Variants in CACNG7 observed in about 807,000 individuals in gnomAD.
CACNG7 encodes calcium voltage-gated channel auxiliary subunit gamma 7.
A neutral mutation model predicts 26.3 loss-of-function variants in CACNG7; 9 were observed. The ratio of observed to expected loss-of-function variants is 0.34; its 90% confidence interval spans 0.21 to 0.60. The LOEUF is 0.60. Ranked by LOEUF, CACNG7 falls within the 20% of genes least tolerant of loss-of-function variation. The pLI, the probability that CACNG7 is intolerant of heterozygous loss-of-function variation, is 0.81. For missense variants in CACNG7, 297 were observed against 380.4 expected (o/e 0.78, Z 1.82); for synonymous variants, 170 against 157.0 (o/e 1.08, Z -0.62).
At chr19:53,921,392 G>A (rs1346335973) in intron 4 of CACNG7, among the ~76,000 whole-genome samples, 1 of 139,200 alleles carries the variant, frequency 7.2e-6, no homozygotes, top group Non-Finnish European at 1.5e-5. Flanking sequence ...TGGTGGAGTT[G>A]CCCCAGGTCT....
intron 4 of CACNG7, among the ~76,000 whole-genome samples, chr19:53,929,893 G>A (rs762791512): frequency 6.6e-6 from 1 of 152,246 alleles, no homozygotes; most frequent in Non-Finnish European, 1.5e-5. Context: ...TGTTCCAGCT[G>A]CATAGCAAGT....
intron 1 of CACNG7, among the ~76,000 whole-genome samples, chr19:53,911,165 A>C (rs1037076563): frequency 6.6e-6 from 1 of 151,740 alleles, no homozygotes; most frequent in Non-Finnish European, 1.5e-5. Flanking sequence ...TCTCAGGTTC[A>C]AGCTATTCTC....
intron 4 of CACNG7, among the ~76,000 whole-genome samples, chr19:53,926,030 C>T (rs1467179796): frequency 1.3e-5 from 2 of 152,184 alleles, no homozygotes; most frequent in African/African-American, 4.8e-5. Flanking sequence ...TATGCTTATT[C>T]ATTCAATCTT....
chr19:53,929,771 A>G (rs1456852690), intron 4 of CACNG7, among the ~76,000 whole-genome samples: 53 of 152,114 alleles, frequency 3.5e-4, no homozygotes, highest in Admixed American at 3.4e-3. Flanking sequence ...GCGTCTCAAC[A>G]TTATGGAATA....
At chr19:53,927,838 CAAA>C (rs74177830) in intron 4 of CACNG7, among the ~76,000 whole-genome samples, 5 of 110,536 alleles carry the variant, frequency 4.5e-5, no homozygotes, top group Admixed American at 2.1e-4. Context: ...AACTCCATCT[CAAA>C]AAAAAAAAAA....
At chr19:53,919,711 A>G (rs1297371823) in intron 4 of CACNG7, among the ~76,000 whole-genome samples, 2 of 117,982 alleles carry the variant, frequency 1.7e-5, no homozygotes, top group Non-Finnish European at 1.7e-5. Flanking sequence ...TCATTGGTGG[A>G]GTTGCCCCAG....
rs1243001062 is a variant in CACNG7, at chr19:53,915,423, C to G, written c.342C>G (p.Ala114=). Residue 114 remains alanine, a synonymous_variant, in exon 4 of 6, where the codon GCC becomes GCG. Coordinates refer to ENST00000391767, the MANE Select transcript of CACNG7 (RefSeq NM_031896.5). Reference sequence around the variant, plus strand: ...TCAGCCTCTTCCTCGTGTTCACGGCCTTCGTCATCAGCAACATCGGCCACA... The same window carrying G: ...TCAGCCTCTTCCTCGTGTTCACGGCGTTCGTCATCAGCAACATCGGCCACA... The part of the protein sequence containing the change: ...PMVSLFLVFT[A]FVISNIGHIR... 1.2e-6 allele frequency: 2 copies of G among 1,614,128 alleles called. No individual in the cohort carries two copies. The highest frequency in any genetic ancestry group is 3.3e-5 in the Admixed American group (2 of 60,028).
intron 4 of CACNG7, among the ~76,000 whole-genome samples, chr19:53,925,640 C>T (rs1568778779): frequency 6.6e-6 from 1 of 150,518 alleles, no homozygotes. Context: ...AGTTGGCATT[C>T]AATTGTGGAG....
At position 53,937,390 on chromosome 19, in the gene CACNG7, G is replaced by A. The variant is rs775938558; in HGVS notation, c.425-4080G>A. Among the ~76,000 whole-genome samples, 161 of 152,174 alleles carry A rather than the reference G, an allele frequency of 1.1e-3. 1 individual carries two copies. Among genetic ancestry groups the A allele is most frequent in the Non-Finnish European group, 1.4e-3 (98 of 68,030 alleles). The stretch of plus-strand genomic sequence containing the variant: ...ACCGTTTTGCATTCCCACCAGCAAT[G>A]TAGAAGAACGTCCATTCTCTCAGCC... On this transcript the variant is annotated intron_variant, in intron 4 of 5. Transcript: ENST00000391767.
chr19:53,922,468 G>C (rs1158174420), intron 4 of CACNG7, among the ~76,000 whole-genome samples: 3 of 114,174 alleles, frequency 2.6e-5, no homozygotes, highest in East Asian at 2.7e-4. Context: ...GTCATTGGTG[G>C]AGTTGCCCCA....
At chr19:53,919,819 C>T (rs2068926045) in intron 4 of CACNG7, among the ~76,000 whole-genome samples, 2 of 135,926 alleles carry the variant, frequency 1.5e-5, no homozygotes, top group African/African-American at 2.9e-5. Flanking sequence ...GGTGGAGTTG[C>T]CCCAGGTCTG....
chr19:53,925,241 A>C (rs2069017526), intron 4 of CACNG7, among the ~76,000 whole-genome samples: 1 of 143,074 alleles, frequency 7.0e-6, no homozygotes, highest in Non-Finnish European at 1.5e-5. Context: ...GACTTGCCCC[A>C]GGTCTGGTCA....
chr19:53,924,419 C>CCCCAGGTCTGGTCATTGGTGGAGTTGT (rs2069003604), intron 4 of CACNG7, among the ~76,000 whole-genome samples: 3 of 145,918 alleles, frequency 2.1e-5, no homozygotes, highest in East Asian at 2.1e-4. Flanking sequence ...GGTGGAGTTG[C>CCCCAGGTCTGGTCATTGGTGGAGTTGT]CCCAGGTCTG....
chr19:53,919,236 C>A (rs1002026159), intron 4 of CACNG7, among the ~76,000 whole-genome samples: 1 of 152,142 alleles, frequency 6.6e-6, no homozygotes, highest in Non-Finnish European at 1.5e-5. Context: ...TGCCTTGGGA[C>A]TTGGAATGGA....
rs1225570153 is a variant in CACNG7, at chr19:53,939,461, C to A, written c.425-2009C>A. ...TTTCCCCCTCCATCCTATTCCCTGG[C>A]AACCACTAATCTACTTTCTGTCTCT... On this transcript the variant is annotated intron_variant, in intron 4 of 5. Coordinates refer to ENST00000391767, the MANE Select transcript of CACNG7 (RefSeq NM_031896.5). This position sits in a 1 kb window ranked among gnomAD's most constrained non-coding sequence, Gnocchi z 4.2. 2.0e-5 allele frequency among the ~76,000 whole-genome samples: 3 copies of A among 152,236 alleles called. No homozygotes were observed. In the East Asian group the frequency reaches 5.8e-4, roughly 29 times the overall value.
At position 53,914,559 on chromosome 19, in the gene CACNG7, G is replaced by T. The variant is rs760201737; in HGVS notation, c.256G>T (p.Val86Leu). 32 of 1,614,036 alleles carry T rather than the reference G, an allele frequency of 2.0e-5. No individual in the cohort carries two copies. Among genetic ancestry groups the T allele is most frequent in the African/African-American group, 2.7e-5 (2 of 74,920 alleles). ...EYFLEPEINL[V>L]TENTENILKT... is the part of the protein sequence containing the mutation. Reference sequence around the variant, plus strand: ...TTTTCTTGAACCGGAGATCAATTTGGTGACGGAAAACACGGAGAATATTCT... The same window carrying T: ...TTTTCTTGAACCGGAGATCAATTTGTTGACGGAAAACACGGAGAATATTCT... The change falls in exon 3 of 6, where the codon GTG (valine) becomes TTG (leucine). Residue 86 changes from valine (V) to leucine (L), a missense_variant. Transcript: ENST00000391767.
intron 4 of CACNG7, among the ~76,000 whole-genome samples, chr19:53,919,726 G>C (rs1375466504): frequency 5.8e-5 from 8 of 138,568 alleles, no homozygotes; most frequent in Non-Finnish European, 3.0e-5. Context: ...CCCCAGGCTG[G>C]TCATTGGTGG....
chr19:53,931,250 A>G (rs1221039964), intron 4 of CACNG7, among the ~76,000 whole-genome samples: 1 of 152,200 alleles, frequency 6.6e-6, no homozygotes, highest in African/African-American at 2.4e-5. Context: ...CTACAACAAC[A>G]TTATCAGACA....
At chr19:53,937,640 GAGT>G (rs1442338707) in intron 4 of CACNG7, among the ~76,000 whole-genome samples, 12 of 143,326 alleles carry the variant, frequency 8.4e-5, no homozygotes, top group African/African-American at 2.9e-4. Flanking sequence ...GCCCAGGCTG[GAGT>G]GCAGTGGCAC....
Sources: gnomAD v4.1 joint callset for allele counts (sites outside exome capture counted in the v4.1 genomes callset) on GRCh38, gnomAD v4.1.1 for gene constraint, Gnocchi (gnomAD v3.1) non-coding constraint, MANE v1.5 for transcripts, NCBI Gene and HGNC (gene_info 2026-07-23, HGNC 2026-07-21) for gene names.